The following PLCH2 variants were observed in gnomAD, a reference collection of about 807,000 sequenced individuals.
The protein encoded by PLCH2 is phospholipase C eta 2.
A neutral mutation model predicts 134.7 loss-of-function variants in PLCH2; 98 were observed. The observed-to-expected ratio is 0.73, with a 90% confidence interval of 0.62 to 0.86. The LOEUF (loss-of-function observed/expected upper bound fraction) is 0.86. PLCH2 is among the 40% of genes least tolerant of loss of function. The pLI, the probability that PLCH2 is intolerant of heterozygous loss-of-function variation, is 0.00. For synonymous variants in PLCH2, 974 were observed against 827.5 expected (o/e 1.18, Z -3.04); for missense variants, 1,994 against 1,986.6 (o/e 1.00, Z -0.07).
chr1:2,442,351 A>G (rs1414090427), intron 2 of PLCH2, among the ~76,000 whole-genome samples: 1 of 152,168 alleles, frequency 6.6e-6, no homozygotes, highest in Non-Finnish European at 1.5e-5. Flanking sequence ...CCAGGGCCAG[A>G]TGGTGGGCAG....
At chr1:2,425,287 A>G (rs892763724), upstream of PLCH2, among the ~76,000 whole-genome samples, 1 of 152,008 alleles carries the variant, frequency 6.6e-6, no homozygotes, top group African/African-American at 2.4e-5. Context: ...ACATATATAC[A>G]CATGCACAGA....
chr1:2,486,874 G>C, intron 5 of PLCH2, 33 bp from the exon 6 acceptor site: 1 of 1,543,208 alleles, frequency 6.5e-7, no homozygotes, highest in Non-Finnish European at 8.8e-7. Context: ...CCAGGGATGG[G>C]CTGCCTGGAC....
rs796629427 is a variant in PLCH2 at position 2,448,460 on chromosome 1, G to T, written c.115+17831G>T. ...TTCTCTTGCGCCTCGAGTCTCCTTT[G>T]TCCTGTAGGATCTGGGGCCTGCCTG... On this transcript the variant is annotated intron_variant, in intron 2 of 3. Transcript: ENST00000609981. This position sits in a 1 kb window ranked among gnomAD's most constrained non-coding sequence, Gnocchi z 4.0. Among the ~76,000 whole-genome samples, 7 of 152,302 alleles carry T rather than the reference G, an allele frequency of 4.6e-5. No individual in the cohort carries two copies. Among genetic ancestry groups the T allele is most frequent in the African/African-American group, 1.7e-4 (7 of 41,568 alleles).
At position 2,498,352 on chromosome 1, in the gene PLCH2, C is replaced by T; in HGVS notation, c.2225-171C>T. On this transcript the variant is annotated intron_variant, in intron 16 of 21. Transcript: ENST00000378486. This position sits in a 1 kb window ranked among gnomAD's most constrained non-coding sequence, Gnocchi z 5.4. Reference sequence around the variant, plus strand: ...AGCCACAAAGGTGATCCATACTGGGCCAGGTGCACCCCGAGGTGCCCCCCT... The same window carrying T: ...AGCCACAAAGGTGATCCATACTGGGTCAGGTGCACCCCGAGGTGCCCCCCT... The T allele has an allele frequency of 1.5e-6, 1 of 654,882 alleles. No individual in the cohort carries two copies. Among genetic ancestry groups the T allele is most frequent in the South Asian group, 1.9e-5 (1 of 51,622 alleles). The allele number at this position is 654,882 out of a possible 1,614,324, so 40.6% of individuals were successfully genotyped here.
intron 1 of PLCH2, 145 bp downstream of exon 1, chr1:2,476,857 G>A (rs979677039): frequency 3.5e-6 from 3 of 859,346 alleles, no homozygotes; most frequent in Non-Finnish European, 5.1e-6. Flanking sequence ...GTGCTCTAGG[G>A]ATCATGTGGG....
At chr1:2,467,311 C>T, upstream of PLCH2, 1 of 333,364 alleles carries the variant, frequency 3.0e-6, no homozygotes, top group East Asian at 4.6e-5. Flanking sequence ...CGCCAGAGAC[C>T]CCAGCCCAGG....
Position 2,498,758 on chromosome 1 carries a change from T to C in PLCH2, c.2364T>C (p.Phe788=), listed in dbSNP as rs1264122623. The part of the protein sequence containing the change: ...LGDRGEIIDP[F]VEVEIIGLPV... ...CTGTGTCCCAGATCATCGACCCCTT[T>C]GTGGAGGTGGAGATCATTGGGCTCC... The change falls in exon 18 of 22, where the codon TTT becomes TTC. Residue 788 remains phenylalanine (F), a synonymous_variant. Coordinates refer to ENST00000378486, the MANE Select transcript of PLCH2 (RefSeq NM_014638.4). The surrounding 1 kb of genome is among the most constrained non-coding windows in gnomAD (Gnocchi z 5.4). 1 of 1,610,400 alleles carries C rather than the reference T, an allele frequency of 6.2e-7. No individual in the cohort carries two copies. Among genetic ancestry groups the C allele is most frequent in the South Asian group, 1.1e-5 (1 of 90,592 alleles).
chr1:2,433,400 G>A (rs1048821272), intron 2 of PLCH2, among the ~76,000 whole-genome samples: 7 of 152,204 alleles, frequency 4.6e-5, no homozygotes, highest in African/African-American at 9.7e-5. Context: ...AGGCCCATCC[G>A]GGCCGGTGTG....
intron 2 of PLCH2, among the ~76,000 whole-genome samples, chr1:2,443,528 G>A (rs897788337): frequency 6.6e-6 from 1 of 152,248 alleles, no homozygotes; most frequent in Non-Finnish European, 1.5e-5. Context: ...TGTGGGGAGC[G>A]GAAGGCCGCA....
chr1:2,480,369 C>T, intron 4 of PLCH2, 57 bp downstream of exon 4: 1 of 1,570,400 alleles, frequency 6.4e-7, no homozygotes, highest in South Asian at 1.2e-5. Flanking sequence ...GGGGGCTGTG[C>T]TTGTGTGGCT....
upstream of PLCH2, among the ~76,000 whole-genome samples, chr1:2,474,509 C>G (rs1641511046): frequency 6.6e-6 from 1 of 152,124 alleles, no homozygotes; most frequent in Non-Finnish European, 1.5e-5. Flanking sequence ...GGGCTGGGGC[C>G]AGGCACTCTA....
Position 2,502,233 on chromosome 1 carries a change from G to T in PLCH2, c.2783G>T (p.Arg928Leu). Reference protein sequence around the residue: ...RPSVSQRILRRTASAPTKSQK... With the variant: ...RPSVSQRILRLTASAPTKSQK... ...TCCGTTAGCCAGCGGATCCTGCGGC[G>T]CACGGCCAGCGCCCCGACCAAGAGC... The change falls in exon 21 of 22, where the codon CGC (arginine) becomes CTC (leucine). Residue 928 changes from arginine (R) to leucine (L), a missense_variant. Physicochemically the swap from Arg to Leu is moderately radical, Grantham distance 102. Around this residue, in one of 2 missense-constraint regions of PLCH2, gnomAD observed 900 missense variants for 752.3 expected, o/e 1.20. Coordinates refer to ENST00000378486, the MANE Select transcript of PLCH2 (RefSeq NM_014638.4). 6.5e-7 allele frequency: 1 copy of T among 1,541,168 alleles called. No individual in the cohort carries two copies. The highest frequency in any genetic ancestry group is 2.0e-5 in the Admixed American group (1 of 50,680).
rs1558031609 is a variant in PLCH2 at position 2,499,040 on chromosome 1, CG to C, written c.2435-41del. 1.9e-6 allele frequency: 3 copies of C among 1,583,544 alleles called. No homozygotes were observed. The South Asian group carries it at 3.5e-5, about 18-fold the overall frequency. ...GCTCCAGGCTGGAGCGGTGCTGGGCCGGGCCCTCCCCATGGGACACTCCTCC... is the reference window on the plus strand; with the variant it reads ...GCTCCAGGCTGGAGCGGTGCTGGGCCGGCCCTCCCCATGGGACACTCCTCC... On this transcript the variant is annotated intron_variant, in intron 18 of 21. Transcript: ENST00000378486.
At chr1:2,480,360 G>A (rs1641897603) in intron 4 of PLCH2, 48 bp downstream of exon 4, 5 of 1,588,442 alleles carry the variant, frequency 3.1e-6, no homozygotes, top group Non-Finnish European at 4.3e-6. Flanking sequence ...GGGCTGCACG[G>A]GGGCTGTGCT....
chr1:2,431,954 C>T (rs1188547493), intron 2 of PLCH2, among the ~76,000 whole-genome samples: 2 of 152,214 alleles, frequency 1.3e-5, no homozygotes, highest in Admixed American at 1.3e-4. Context: ...TACCTGTGCA[C>T]ATTAGGGTGG....
At chr1:2,497,380 G>A in intron 15 of PLCH2, 122 bp from the exon 16 acceptor site, 4 of 699,336 alleles carry the variant, frequency 5.7e-6, no homozygotes, top group Non-Finnish European at 1.0e-5. Flanking sequence ...TTGGGTGAAC[G>A]AGGGGCAGAC....
At chr1:2,435,659 C>A (rs574488398) in intron 2 of PLCH2, among the ~76,000 whole-genome samples, 1 of 152,054 alleles carries the variant, frequency 6.6e-6, no homozygotes, top group African/African-American at 2.4e-5. Flanking sequence ...CCACAGCACG[C>A]CTGGCCTGTT....
Position 2,436,194 on chromosome 1 carries a change from CTGTTT to C in PLCH2, c.115+5566_115+5570del, listed in dbSNP as rs1639344484. 5.4e-5 allele frequency among the ~76,000 whole-genome samples: 7 copies of C among 129,744 alleles called. No homozygotes were observed. The South Asian group carries it at 1.1e-3, about 21-fold the overall frequency. 85.1% of individuals were successfully genotyped at this position (129,744 alleles called of 152,430 possible). On this transcript the variant is annotated intron_variant, in intron 2 of 3. Transcript: ENST00000609981. ...CCTCCCTGCTCCCTCCTTCCTTCCT[CTGTTT>C]CCTCCTCCCTCCTTCCTTCCTGCCT...
intron 8 of PLCH2, 125 bp from the exon 9 acceptor site, chr1:2,489,082 C>A: frequency 1.2e-6 from 1 of 853,944 alleles, no homozygotes; most frequent in Non-Finnish European, 1.8e-6. Flanking sequence ...CCCAGCTATC[C>A]TGGGTTCCTG....
Sources: allele counts gnomAD v4.1 joint callset (sites outside exome capture counted in the v4.1 genomes callset), GRCh38; gene constraint gnomAD v4.1.1; regional missense constraint gnomAD v4.1.1; non-coding constraint Gnocchi (gnomAD v3.1); transcripts MANE v1.5; gene names NCBI Gene and HGNC (gene_info 2026-07-23, HGNC 2026-07-21).